Variants in TRERF1 observed in about 807,000 individuals in gnomAD.
TRERF1 encodes the protein transcriptional regulating factor 1.
In TRERF1, 27 loss-of-function variants were observed where a neutral mutation model predicts 122.9. That is an observed-to-expected ratio of 0.22 (90% confidence interval 0.16 to 0.30). The LOEUF (loss-of-function observed/expected upper bound fraction) is 0.30. Ranked by LOEUF, TRERF1 falls within the 10% of genes least tolerant of loss-of-function variation. The pLI is 1.00. For synonymous variants in TRERF1, 636 were observed against 641.7 expected (o/e 0.99, Z 0.13); for missense variants, 1,248 against 1,560.3 (o/e 0.80, Z 3.37).
At chr6:42,291,639 T>C (rs1001449043) in intron 4 of TRERF1, among the ~76,000 whole-genome samples, 1 of 151,898 alleles carries the variant, frequency 6.6e-6, no homozygotes, top group Non-Finnish European at 1.5e-5. Context: ...GTTCACGCCA[T>C]TCTCCTGCCT....
chr6:42,443,975 G>T (rs1787005203), intron 2 of TRERF1, among the ~76,000 whole-genome samples: 1 of 152,056 alleles, frequency 6.6e-6, no homozygotes, highest in Admixed American at 6.5e-5. Context: ...GGTGAAGATG[G>T]TACCAGCCCT....
chr6:42,304,059 G>A (rs1254441345), intron 3 of TRERF1, among the ~76,000 whole-genome samples: 8 of 152,058 alleles, frequency 5.3e-5, no homozygotes, highest in Non-Finnish European at 1.2e-4. Context: ...GGGCACCCTT[G>A]CCCTCCCTCC....
intron 14 of TRERF1, among the ~76,000 whole-genome samples, chr6:42,245,467 C>A (rs542233294): frequency 2.0e-5 from 3 of 152,232 alleles, no homozygotes; most frequent in South Asian, 2.1e-4. Flanking sequence ...CTATCAACTG[C>A]GCCCTGTTCT....
intron 2 of TRERF1, among the ~76,000 whole-genome samples, chr6:42,369,431 G>A (rs781267838): frequency 2.6e-5 from 4 of 152,056 alleles, no homozygotes; most frequent in Non-Finnish European, 4.4e-5. Context: ...GCAACAGAGC[G>A]AGACTCCAAC....
chr6:42,289,375 C>A (rs1380315561), intron 4 of TRERF1, among the ~76,000 whole-genome samples: 1 of 151,512 alleles, frequency 6.6e-6, no homozygotes, highest in African/African-American at 2.4e-5. Context: ...AAACACAACC[C>A]AGCAACAACA....
chr6:42,259,629 G>A lies in TRERF1; in HGVS notation c.1979C>T (p.Pro660Leu). The A allele has an allele frequency of 1.2e-6, 2 of 1,613,442 alleles. No individual in the cohort carries two copies. Among genetic ancestry groups the A allele is most frequent in the Non-Finnish European group, 1.7e-6 (2 of 1,179,990 alleles). ...GGAGGGCGGCGGCGGGATGAAGAGAGGTTCCGGCCGGTGCCGGAACTTTTT... is the reference window on the plus strand; with the variant it reads ...GGAGGGCGGCGGCGGGATGAAGAGAAGTTCCGGCCGGTGCCGGAACTTTTT... Residue 660 changes from proline to leucine, a missense_variant, in exon 9 of 18, where the codon CCT becomes CTT. Physicochemically the swap from Pro to Leu is moderately conservative, Grantham distance 98 (BLOSUM62 -3). This residue lies in a region of TRERF1 where 946 missense variants were observed against 1,073.0 expected (regional missense o/e 0.88). Transcript: ENST00000372922. This position sits in a 1 kb window ranked among gnomAD's most constrained non-coding sequence, Gnocchi z 4.9.
At chr6:42,256,602 C>T (rs773053087) in intron 12 of TRERF1, 126 bp downstream of exon 12, 7 of 717,382 alleles carry the variant, frequency 9.8e-6, no homozygotes, top group Admixed American at 2.3e-5. Flanking sequence ...AATAGGGAGG[C>T]GTGCTGATTG....
intron 4 of TRERF1, among the ~76,000 whole-genome samples, chr6:42,287,657 G>A (rs1027227368): frequency 1.7e-4 from 26 of 152,126 alleles, no homozygotes; most frequent in African/African-American, 6.0e-4. Context: ...TCCTGAATCA[G>A]AAACTGGGAC....
chr6:42,233,644 T>C (rs751828694), intron 16 of TRERF1, among the ~76,000 whole-genome samples: 2 of 151,992 alleles, frequency 1.3e-5, no homozygotes, highest in African/African-American at 2.4e-5. Flanking sequence ...TCTTCCTTCC[T>C]TCCTCTTTCC....
At chr6:42,332,124 G>A (rs1280560909) in intron 3 of TRERF1, among the ~76,000 whole-genome samples, 2 of 152,174 alleles carry the variant, frequency 1.3e-5, no homozygotes, top group Non-Finnish European at 2.9e-5. Context: ...TGTATTTTTA[G>A]TAGAGACAGG....
At chr6:42,388,024 C>A (rs186004821) in intron 2 of TRERF1, among the ~76,000 whole-genome samples, 1 of 152,028 alleles carries the variant, frequency 6.6e-6, no homozygotes, top group East Asian at 1.9e-4. Context: ...CCCAGGCTGG[C>A]GATCTTCCCG....
chr6:42,351,954 G>C (rs1033465175), intron 3 of TRERF1, among the ~76,000 whole-genome samples: 1 of 152,188 alleles, frequency 6.6e-6, no homozygotes, highest in Non-Finnish European at 1.5e-5. Context: ...ATGTTGGACT[G>C]AGTGAGAAAT....
At chr6:42,439,645 C>T (rs868153940) in intron 2 of TRERF1, among the ~76,000 whole-genome samples, 4 of 152,186 alleles carry the variant, frequency 2.6e-5, no homozygotes, top group East Asian at 3.9e-4. Context: ...AAAGGGACTC[C>T]GAGGGCACCC....
chr6:42,236,102 A>G (rs1242650587), intron 16 of TRERF1, 103 bp downstream of exon 16: 101 of 1,455,220 alleles, frequency 6.9e-5, no homozygotes, highest in Middle Eastern at 5.2e-4. Context: ...CCAAACTGTG[A>G]CTGTTGGAAG....
chr6:42,253,811 C>T (rs1440967409), intron 13 of TRERF1, among the ~76,000 whole-genome samples: 1 of 152,194 alleles, frequency 6.6e-6, no homozygotes, highest in Non-Finnish European at 1.5e-5. Context: ...TAAAGAAGCC[C>T]TCACTGGGCT....
chr6:42,303,904 TA>T (rs60880174), intron 3 of TRERF1, among the ~76,000 whole-genome samples: 33,413 of 67,732 alleles, frequency 0.49, 5,540 homozygotes, highest in Middle Eastern at 0.65. Context: ...CACTGTCTCA[TA>T]AAAAAAAAAA....
intron 3 of TRERF1, among the ~76,000 whole-genome samples, chr6:42,338,032 G>A (rs567490933): frequency 5.3e-5 from 8 of 152,178 alleles, no homozygotes; most frequent in Non-Finnish European, 1.0e-4. Flanking sequence ...TTTAACAAGA[G>A]CCCCCAGGTG....
At chr6:42,446,452 T>C (rs1308648419) in intron 2 of TRERF1, among the ~76,000 whole-genome samples, 1 of 152,134 alleles carries the variant, frequency 6.6e-6, no homozygotes, top group Admixed American at 6.5e-5. Context: ...TCTAATGAAA[T>C]CCATCCAAGT....
chr6:42,357,404 A>C (rs1373119445), intron 3 of TRERF1, among the ~76,000 whole-genome samples: 1 of 151,850 alleles, frequency 6.6e-6, no homozygotes, highest in African/African-American at 2.4e-5. Flanking sequence ...GCATACGAGC[A>C]CAGATGAGGC....
Sources: allele counts gnomAD v4.1 joint callset (sites outside exome capture counted in the v4.1 genomes callset), GRCh38; gene constraint gnomAD v4.1.1; regional missense constraint gnomAD v4.1.1; non-coding constraint Gnocchi (gnomAD v3.1); transcripts MANE v1.5; gene names NCBI Gene and HGNC (gene_info 2026-07-23, HGNC 2026-07-21).